TNNI3K: variants seen among roughly 807,000 people sequenced by gnomAD.
TNNI3K encodes TNNI3 interacting kinase, also known as serine/threonine-protein kinase TNNI3K.
Under a neutral mutation model 114.5 loss-of-function variants are expected in TNNI3K, and 140 were observed. That is an observed-to-expected ratio of 1.22 (90% CI 1.07 to 1.41). TNNI3K has a LOEUF of 1.41. TNNI3K is among the 40% of genes most tolerant of loss of function. The probability of loss-of-function intolerance (pLI) is 0.00; values close to 1 mark genes in which losing one functional copy is unlikely to be tolerated. For missense variants in TNNI3K, 1,125 were observed against 1,007.6 expected, an observed-to-expected ratio of 1.12 and a Z score of -1.58; for synonymous variants, 347 against 347.5, an observed-to-expected ratio of 1.00 and a Z score of 0.02.
chr1:74,515,704 A>C (rs921613602), intron 23 of TNNI3K, among the ~76,000 whole-genome samples: 1 of 152,226 alleles, frequency 6.6e-6, no homozygotes, highest in African/African-American at 2.4e-5. Context: ...ATGGAGACTG[A>C]ACACTGATGG....
chr1:74,530,901 G>A (rs1646574098), intron 23 of TNNI3K, among the ~76,000 whole-genome samples: 1 of 152,066 alleles, frequency 6.6e-6, no homozygotes, highest in African/African-American at 2.4e-5. Flanking sequence ...AGGTGGTAGT[G>A]TTGTTAGGTT....
intron 23 of TNNI3K, among the ~76,000 whole-genome samples, chr1:74,509,701 G>C (rs1427544216): frequency 7.2e-6 from 1 of 138,704 alleles, no homozygotes; most frequent in East Asian, 2.4e-4. Context: ...GTTTGATTTT[G>C]AAAGGTACCT....
chr1:74,404,998 T>C (rs1664547809), intron 17 of TNNI3K, among the ~76,000 whole-genome samples: 1 of 152,144 alleles, frequency 6.6e-6, no homozygotes, highest in African/African-American at 2.4e-5. Flanking sequence ...TTTAAGAAGT[T>C]TACAGTTTAA....
In TNNI3K at chr1:74,367,963, A is replaced by T; in HGVS notation, c.1320A>T (p.Lys440Asn). ...SPLGKIKSMT[K>N]EKADILLLRA... is the part of the protein sequence containing the mutation. ...TGGGGAAGATTAAAAGCATGACAAA[A>T]GGTACCTATAATCTGGGACAATTGT... is the stretch of plus-strand genomic sequence containing the variant. Residue 440 changes from lysine to asparagine, a missense_variant and splice_region_variant, in exon 13 of 25, where the codon AAA (lysine) becomes AAT (asparagine). By Grantham distance (94) the Lys-to-Asn change is moderately conservative (BLOSUM62 0). Transcript: ENST00000326637. 6.4e-7 allele frequency: 1 copy of T among 1,562,546 alleles called. No individual in the cohort carries two copies.
chr1:74,240,157 AT>A, intron 2 of TNNI3K: 1 of 204,176 alleles, frequency 4.9e-6, no homozygotes, highest in Non-Finnish European at 1.0e-5. Context: ...ATATGTGTTC[AT>A]TAAAGGCAGC....
chr1:74,472,161 G>A (rs758205825), intron 21 of TNNI3K: 51 of 716,872 alleles, frequency 7.1e-5, no homozygotes, highest in Middle Eastern at 2.3e-4. Context: ...AGGCTGAAGC[G>A]GGTGTTGCAT....
intron 21 of TNNI3K, among the ~76,000 whole-genome samples, chr1:74,473,619 G>T (rs1668046582): frequency 6.6e-6 from 1 of 151,880 alleles, no homozygotes; most frequent in Admixed American, 6.6e-5. Context: ...AGCTCCTAAG[G>T]GTGGGGATAC....
chr1:74,367,824 A>C, intron 12 of TNNI3K, 84 bp from the exon 13 acceptor site: 1 of 1,321,524 alleles, frequency 7.6e-7, no homozygotes, highest in Non-Finnish European at 1.0e-6. Context: ...TCGTTTCGTC[A>C]CCTGCTTATT....
At chr1:74,308,347 A>C (rs1055549846) in intron 5 of TNNI3K, among the ~76,000 whole-genome samples, 1 of 152,134 alleles carries the variant, frequency 6.6e-6, no homozygotes, top group Non-Finnish European at 1.5e-5. Flanking sequence ...TTAGAAATCA[A>C]TACCAAGGAA....
chr1:74,421,062 A>T (rs1011872140), intron 17 of TNNI3K, among the ~76,000 whole-genome samples: 11 of 152,092 alleles, frequency 7.2e-5, no homozygotes, highest in Non-Finnish European at 1.5e-4. Context: ...GTTTAAAAAT[A>T]TCTTTTCTCT....
intron 21 of TNNI3K, among the ~76,000 whole-genome samples, chr1:74,474,911 A>G (rs1015105334): frequency 3.3e-5 from 5 of 152,100 alleles, no homozygotes; most frequent in African/African-American, 1.2e-4. Flanking sequence ...TGCTTACTGC[A>G]GAATTGGCAT....
At chr1:74,525,974 A>G (rs1646499614) in intron 23 of TNNI3K, among the ~76,000 whole-genome samples, 1 of 152,238 alleles carries the variant, frequency 6.6e-6, no homozygotes, top group Admixed American at 6.5e-5. Context: ...AAGAATACAC[A>G]GAGGAGGAGA....
chr1:74,491,639 T>G (rs1669083094), intron 22 of TNNI3K, among the ~76,000 whole-genome samples: 1 of 152,204 alleles, frequency 6.6e-6, no homozygotes, highest in Non-Finnish European at 1.5e-5. Context: ...AAAGCATTTT[T>G]CGTCTTATAA....
At chr1:74,260,999 T>C (rs1430085248) in intron 4 of TNNI3K, among the ~76,000 whole-genome samples, 1 of 152,120 alleles carries the variant, frequency 6.6e-6, no homozygotes, top group African/African-American at 2.4e-5. Context: ...TAATATAAAA[T>C]ATTTTGACAA....
intron 17 of TNNI3K, among the ~76,000 whole-genome samples, chr1:74,430,313 C>T (rs1416054817): frequency 1.3e-5 from 2 of 152,072 alleles, no homozygotes; most frequent in Non-Finnish European, 2.9e-5. Flanking sequence ...GACTCATGAT[C>T]CTTACATAAT....
intron 5 of TNNI3K, among the ~76,000 whole-genome samples, chr1:74,298,729 A>T (rs1658139645): frequency 6.6e-6 from 1 of 152,058 alleles, no homozygotes; most frequent in African/African-American, 2.4e-5. Context: ...CTTATGCGGG[A>T]GTTGCATCAC....
chr1:74,480,948 C>T (rs1373486789), intron 21 of TNNI3K: 9 of 715,276 alleles, frequency 1.3e-5, no homozygotes, highest in Admixed American at 4.0e-5. Context: ...ATGATTAAAA[C>T]CCTCGTGGTC....
intron 5 of TNNI3K, among the ~76,000 whole-genome samples, chr1:74,329,262 G>C (rs1660074613): frequency 6.6e-6 from 1 of 152,036 alleles, no homozygotes; most frequent in African/African-American, 2.4e-5. Flanking sequence ...GCATGAAACA[G>C]AGTAGACTTT....
intron 5 of TNNI3K, among the ~76,000 whole-genome samples, chr1:74,307,219 A>G (rs912033762): frequency 3.9e-5 from 6 of 152,204 alleles, no homozygotes; most frequent in African/African-American, 1.4e-4. Flanking sequence ...CAACTATACA[A>G]TTGAGACTGT....
Sources: gnomAD v4.1 joint callset for allele counts (sites outside exome capture counted in the v4.1 genomes callset) on GRCh38, gnomAD v4.1.1 for gene constraint, MANE v1.5 for transcripts, NCBI Gene and HGNC (gene_info 2026-07-23, HGNC 2026-07-21) for gene names.